Variants in GALNT3 observed in about 807,000 individuals in gnomAD.
The protein encoded by GALNT3 is GalNAc transferase 3.
Under a neutral mutation model 69.8 loss-of-function variants are expected in GALNT3, and 51 were observed. The ratio of observed to expected loss-of-function variants is 0.73; its 90% CI spans 0.58 to 0.92. GALNT3 has a LOEUF of 0.92. Ranked by LOEUF, GALNT3 falls within the 40% of genes least tolerant of loss-of-function variation. The probability of loss-of-function intolerance (pLI) is 0.00; values close to 1 mark genes in which losing one functional copy is unlikely to be tolerated. For synonymous variants in GALNT3, 265 were observed against 248.5 expected, an observed-to-expected ratio of 1.07 and a Z score of -0.63; for missense variants, 711 against 760.0, an observed-to-expected ratio of 0.94 and a Z score of 0.76.
chr2:165,785,084 T>C (rs1683191902), intron 1 of GALNT3, among the ~76,000 whole-genome samples: 1 of 152,164 alleles, frequency 6.6e-6, no homozygotes, highest in South Asian at 2.1e-4. Flanking sequence ...CAATCAGATG[T>C]GGGGATGACT....
intron 1 of GALNT3, among the ~76,000 whole-genome samples, chr2:165,792,486 T>C (rs1229657932): frequency 6.6e-6 from 1 of 152,218 alleles, no homozygotes; most frequent in African/African-American, 2.4e-5. Flanking sequence ...AGAAAAGTGG[T>C]GATTGAATTA....
chr2:165,773,108 T>C (rs907250059), intron 1 of GALNT3, among the ~76,000 whole-genome samples: 1 of 152,060 alleles, frequency 6.6e-6, no homozygotes, highest in Non-Finnish European at 1.5e-5. Context: ...AAGGGAAGAA[T>C]GGGAGATGAA....
chr2:165,777,966 T>A (rs902007450), intron 1 of GALNT3, among the ~76,000 whole-genome samples: 4 of 152,194 alleles, frequency 2.6e-5, no homozygotes, highest in African/African-American at 9.7e-5. Context: ...GTTTCAATAC[T>A]GAGAAGGACA....
chr2:165,792,606 G>A (rs1351701031), intron 1 of GALNT3, among the ~76,000 whole-genome samples: 2 of 152,028 alleles, frequency 1.3e-5, no homozygotes, highest in Admixed American at 6.5e-5. Context: ...TAAGTAAAAC[G>A]TGCAATTTAA....
intron 1 of GALNT3, among the ~76,000 whole-genome samples, chr2:165,789,667 A>C (rs1683300690): frequency 6.6e-6 from 1 of 151,458 alleles, no homozygotes; most frequent in African/African-American, 2.4e-5. Flanking sequence ...CCAGGAGTTC[A>C]AGATCAGCCT....
chr2:165,749,594 A>T (rs888097996), intron 10 of GALNT3, 148 bp downstream of exon 10: 1 of 776,338 alleles, frequency 1.3e-6, no homozygotes, highest in South Asian at 1.6e-5. Flanking sequence ...CTCTTATCAC[A>T]TGGGTAGAAA....
At position 165,770,563 on chromosome 2, in the gene GALNT3, G is replaced by C. The variant is rs769887930; in HGVS notation, c.138C>G (p.Ser46=). The C allele has an allele frequency of 6.2e-7, 1 of 1,612,952 alleles. No individual in the cohort carries two copies. Among genetic ancestry groups the C allele is most frequent in the African/African-American group, 1.3e-5 (1 of 74,740 alleles). Residue 46 remains serine (S), a synonymous_variant, in exon 2 of 11, where the codon TCC becomes TCG. Coordinates refer to ENST00000392701, the MANE Select transcript of GALNT3 (RefSeq NM_004482.4). Reference sequence around the variant, plus strand: ...TCCTTTCCATCCTTGATTCCTCTTTGGAATATTGAACACTTACTTCTCTTT... The same window carrying C: ...TCCTTTCCATCCTTGATTCCTCTTTCGAATATTGAACACTTACTTCTCTTT... The part of the protein sequence containing the change: ...LMQREVSVQY[S]KEESRMERNM...
rs1274624856 is a variant in GALNT3 at position 165,762,037 on chromosome 2, G to A, written c.706C>T (p.Leu236=). Residue 236 remains leucine, a synonymous_variant, in exon 4 of 11, where the codon CTA becomes TTA. Coordinates refer to ENST00000392701, the MANE Select transcript of GALNT3 (RefSeq NM_004482.4). ...GAAAATTGTTTTACATATTCATCTA[G>A]TTTATCATGTAAGTACTCTGTAAGG... The part of the protein sequence containing the change: ...ASVDEYLHDK[L]DEYVKQFSIV... 3 of 1,568,070 alleles carry A rather than the reference G, an allele frequency of 1.9e-6. No individual in the cohort carries two copies. Among genetic ancestry groups the A allele is most frequent in the South Asian group, 2.2e-5 (2 of 90,108 alleles).
At chr2:165,783,894 T>C (rs1683165509) in intron 1 of GALNT3, among the ~76,000 whole-genome samples, 1 of 152,158 alleles carries the variant, frequency 6.6e-6, no homozygotes, top group Non-Finnish European at 1.5e-5. Context: ...TTATTATACA[T>C]AAAATCTGTG....
chr2:165,765,098 ATTATT>A, intron 2 of GALNT3, 42 bp from the exon 3 acceptor site: 2 of 1,514,976 alleles, frequency 1.3e-6, no homozygotes, highest in Non-Finnish European at 1.8e-6. Flanking sequence ...TACAAATTTT[ATTATT>A]TTATTTCACA....
chr2:165,761,034 G>A (rs1688535534), intron 4 of GALNT3, among the ~76,000 whole-genome samples: 1 of 151,634 alleles, frequency 6.6e-6, no homozygotes, highest in South Asian at 2.1e-4. Flanking sequence ...GGCATAAAAA[G>A]TATATATATA....
chr2:165,749,767 C>G lies in GALNT3; in HGVS notation c.1754G>C (p.Gly585Ala). The change falls in exon 10 of 11, where the codon GGA becomes GCA. Residue 585 changes from glycine to alanine, a missense_variant. Physicochemically the swap from Gly to Ala is moderately conservative, Grantham distance 60 (BLOSUM62 0). Coordinates refer to ENST00000392701, the MANE Select transcript of GALNT3 (RefSeq NM_004482.4). ...TYKGHKTVVT[G>A]EQIWEIQKDQ... Reference sequence around the variant, plus strand: ...CTTCTGGATCTCCCATATCTGCTCTCCAGTGACAACTGTCTTGTGACCTTT... The same window carrying G: ...CTTCTGGATCTCCCATATCTGCTCTGCAGTGACAACTGTCTTGTGACCTTT... 2 of 1,613,584 alleles carry G rather than the reference C, an allele frequency of 1.2e-6. No individual in the cohort carries two copies. The highest frequency in any genetic ancestry group is 4.5e-5 in the East Asian group (2 of 44,854).
chr2:165,788,798 G>C (rs1683284449), intron 1 of GALNT3, among the ~76,000 whole-genome samples: 2 of 152,102 alleles, frequency 1.3e-5, no homozygotes, highest in Non-Finnish European at 2.9e-5. Context: ...GGCTTATGGA[G>C]TATCACTCCA....
At chr2:165,784,307 G>T (rs1183205359) in intron 1 of GALNT3, among the ~76,000 whole-genome samples, 1 of 152,218 alleles carries the variant, frequency 6.6e-6, no homozygotes, top group Non-Finnish European at 1.5e-5. Context: ...CGGAAGTTTA[G>T]AATGATTGTC....
At chr2:165,751,206 C>T (rs1688352350) in intron 9 of GALNT3, among the ~76,000 whole-genome samples, 1 of 152,008 alleles carries the variant, frequency 6.6e-6, no homozygotes, top group South Asian at 2.1e-4. Context: ...TTAGTAGGAG[C>T]ACTAATATTT....
At chr2:165,782,380 A>G (rs1399855790) in intron 1 of GALNT3, among the ~76,000 whole-genome samples, 2 of 52,214 alleles carry the variant, frequency 3.8e-5, no homozygotes, top group Admixed American at 2.9e-4. Context: ...GCTGGGGGAA[A>G]AAAAAGAATT....
chr2:165,788,316 CAAAAAAAA>C (rs59428597), intron 1 of GALNT3, among the ~76,000 whole-genome samples: 1 of 49,334 alleles, frequency 2.0e-5, no homozygotes. Context: ...GACATCACCT[CAAAAAAAA>C]AAAAAAAAAA....
Position 165,782,966 on chromosome 2 carries a change from C to T in GALNT3, c.-109+11049G>A, listed in dbSNP as rs77130587. Among the ~76,000 whole-genome samples, 739 of 152,282 alleles carry T rather than the reference C, an allele frequency of 4.9e-3. 5 individuals are homozygous for T. Among genetic ancestry groups the T allele is most frequent in the African/African-American group, 0.017 (718 of 41,544 alleles). ...TACGTATTTCATTCATTAGCTACCA[C>T]TAGGCATATACCAAAGACATTATCT... On this transcript the variant is annotated intron_variant, in intron 1 of 10. Transcript: ENST00000392701.
At chr2:165,751,941 T>C (rs1474932930) in intron 9 of GALNT3, among the ~76,000 whole-genome samples, 3 of 152,112 alleles carry the variant, frequency 2.0e-5, no homozygotes, top group East Asian at 3.8e-4. Context: ...TAAAGCAAAA[T>C]AAAATCAATA....
Sources: gnomAD v4.1 joint callset for allele counts (sites outside exome capture counted in the v4.1 genomes callset) on GRCh38, gnomAD v4.1.1 for gene constraint, MANE v1.5 for transcripts, NCBI Gene and HGNC (gene_info 2026-07-23, HGNC 2026-07-21) for gene names.